The following BGN variants were observed in gnomAD, a reference collection of about 807,000 sequenced individuals.
The protein encoded by BGN is biglycan, also known as bone/cartilage proteoglycan-I.
Under a neutral mutation model 20.0 loss-of-function variants are expected in BGN, and 6 were observed. The ratio of observed to expected loss-of-function variants is 0.30; its 90% CI spans 0.16 to 0.59. The LOEUF is 0.59. Ranked by LOEUF, BGN falls within the 20% of genes least tolerant of loss-of-function variation. The pLI is 0.88. For missense variants in BGN, 292 were observed against 312.1 expected, an observed-to-expected ratio of 0.94 and a Z score of 0.49; for synonymous variants, 146 against 134.6, an observed-to-expected ratio of 1.08 and a Z score of -0.59.
rs2089792091 is a variant in BGN at position 153,505,357 on chromosome X, A to C, written c.351+7A>C. 1.7e-6 allele frequency: 2 copies of C among 1,189,655 alleles called. No homozygotes were observed. Among genetic ancestry groups the C allele is most frequent in the Non-Finnish European group, 2.3e-6 (2 of 876,743 alleles). On this transcript the variant is annotated splice_region_variant and intron_variant, in intron 3 of 7. Transcript: ENST00000331595. Reference sequence around the variant, plus strand: ...GGGTCTCCAGCACCTCTACGTAAGGAGCTGGGAGGAACCAGCAGGCCTACA... The same window carrying C: ...GGGTCTCCAGCACCTCTACGTAAGGCGCTGGGAGGAACCAGCAGGCCTACA...
intron 7 of BGN, 88 bp downstream of exon 7, chrX:153,507,273 C>A: frequency 7.5e-6 from 8 of 1,071,623 alleles, no homozygotes; most frequent in Non-Finnish European, 9.9e-6. Flanking sequence ...GTCCCCTGGC[C>A]CTCCTTCCCG....
At chrX:153,501,719 C>T (rs901840928) in intron 1 of BGN, among the ~76,000 whole-genome samples, 3 of 112,140 alleles carry the variant, frequency 2.7e-5, no homozygotes, top group Non-Finnish European at 5.7e-5. Flanking sequence ...GCCCGGCCCC[C>T]GCCCCTCCAG....
Position 153,505,982 on chromosome X carries a change from A to G in BGN, c.471A>G (p.Leu157=), listed in dbSNP as rs1556993030. The part of the protein sequence containing the change: ...KNHLVEIPPN[L]PSSLVELRIH... ...ACCTGGTGGAGATCCCGCCCAACCT[A>G]CCCAGCTCCCTGGTGGAGCTCCGCA... The change falls in exon 4 of 8, where the codon CTA becomes CTG. Residue 157 remains leucine, a synonymous_variant. Transcript: ENST00000331595. 4.1e-6 allele frequency: 5 copies of G among 1,209,499 alleles called. No homozygotes were observed. The highest frequency in any genetic ancestry group is 5.6e-6 in the Non-Finnish European group (5 of 894,980).
chrX:153,497,443 G>A (rs2089727007), intron 1 of BGN, among the ~76,000 whole-genome samples: 1 of 110,943 alleles, frequency 9.0e-6, no homozygotes. Flanking sequence ...CCGGGCCTGG[G>A]GCGATCAGTG....
At chrX:153,505,724 C>A in intron 3 of BGN, 139 bp from the exon 4 acceptor site, 1 of 535,845 alleles carries the variant, frequency 1.9e-6, no homozygotes, top group Admixed American at 3.2e-5. Flanking sequence ...GGTGCTGCCT[C>A]CTGCCCTGCA....
At chrX:153,504,154 C>T (rs7055188) in intron 1 of BGN, among the ~76,000 whole-genome samples, 29,092 of 111,193 alleles carry the variant, frequency 0.26, 2,928 homozygotes, top group South Asian at 0.33. Context: ...AAGGAAGGAT[C>T]GGCCCGGGTA....
At chrX:153,507,020 G>C (rs782421001) in intron 6 of BGN, 27 bp from the exon 7 acceptor site, 1 of 1,210,154 alleles carries the variant, frequency 8.3e-7, no homozygotes, top group South Asian at 1.8e-5. Flanking sequence ...TCCAGCCTTT[G>C]AGTCCGTGTC....
At position 153,505,494 on chromosome X, in the gene BGN, C is replaced by A. The variant is rs2089793547; in HGVS notation, c.351+144C>A. The A allele has an allele frequency of 5.7e-6, 3 of 523,352 alleles. No individual in the cohort carries two copies. In the South Asian group the frequency reaches 1.0e-4, roughly 17 times the overall value. 43.1% of individuals were successfully genotyped at this position (523,352 alleles called of 1,213,427 possible). On this transcript the variant is annotated intron_variant, in intron 3 of 7. Transcript: ENST00000331595. ...AGCCTGGAGCCAGCCGTGATGGGAG[C>A]TCCCGGGTTTGCGGCTCACTCATGT...
At position 153,501,525 on chromosome X, in the gene BGN, G is replaced by T. The variant is rs782226416; in HGVS notation, c.-11-3096G>T. 8.9e-5 allele frequency among the ~76,000 whole-genome samples: 10 copies of T among 112,784 alleles called. No homozygotes were observed. In the South Asian group the frequency reaches 3.6e-3, roughly 41 times the overall value. On this transcript the variant is annotated intron_variant, in intron 1 of 7. Transcript: ENST00000331595. ...TTAGCTTTTGTGTCCATAAAATGGG[G>T]ATACTCATCAGGCCAGCTCCAGGGG...
At position 153,506,928 on chromosome X, in the gene BGN, G is replaced by T; in HGVS notation, c.770+5G>T. 8.3e-7 allele frequency: 1 copy of T among 1,210,357 alleles called. No individual in the cohort carries two copies. The highest frequency in any genetic ancestry group is 1.1e-6 in the Non-Finnish European group (1 of 894,048). On this transcript the variant is annotated splice_donor_5th_base_variant and intron_variant, in intron 6 of 7. Coordinates refer to ENST00000331595, the MANE Select transcript of BGN (RefSeq NM_001711.6). ...TCGCTACTCCAAGCTGTACAGGTGAGGCCAGCAGGGCACCGCCCAAGGGTG... is the reference window on the plus strand; with the variant it reads ...TCGCTACTCCAAGCTGTACAGGTGATGCCAGCAGGGCACCGCCCAAGGGTG...
chrX:153,502,715 T>C (rs73633612), intron 1 of BGN, among the ~76,000 whole-genome samples: 4,534 of 112,947 alleles, frequency 0.04, 231 homozygotes, highest in African/African-American at 0.14. Flanking sequence ...GGCTCGGTGC[T>C]GCCCCAGCAG....
At chrX:153,503,556 G>C (rs1556992337) in intron 1 of BGN, among the ~76,000 whole-genome samples, 1 of 112,344 alleles carries the variant, frequency 8.9e-6, no homozygotes, top group Non-Finnish European at 1.9e-5. Flanking sequence ...GGATGAAGTG[G>C]TGAGAGAGGC....
At chrX:153,502,761 C>G (rs2089769685) in intron 1 of BGN, among the ~76,000 whole-genome samples, 1 of 112,907 alleles carries the variant, frequency 8.9e-6, no homozygotes, top group Admixed American at 9.3e-5. Context: ...AGCATGAAGT[C>G]CAGCTCCACA....
intron 1 of BGN, among the ~76,000 whole-genome samples, chrX:153,501,102 T>C (rs1330437977): frequency 8.9e-6 from 1 of 112,047 alleles, no homozygotes; most frequent in Non-Finnish European, 1.9e-5. Context: ...TGTGTGCATG[T>C]GTGTGTGCAC....
intron 1 of BGN, chrX:153,495,524 T>A (rs1462917362): frequency 8.9e-6 from 1 of 111,809 alleles, no homozygotes; most frequent in East Asian, 2.8e-4. Flanking sequence ...CATGCTCCAC[T>A]CCCTCAGCCT....
intron 7 of BGN, 107 bp downstream of exon 7, chrX:153,507,292 T>G: frequency 2.0e-6 from 2 of 1,012,547 alleles, no homozygotes; most frequent in Non-Finnish European, 2.6e-6. Flanking sequence ...CGACCGGCTC[T>G]GGGCATCTGC....
intron 5 of BGN, 65 bp from the exon 6 acceptor site, chrX:153,506,765 G>A: frequency 8.6e-7 from 1 of 1,161,695 alleles, no homozygotes; most frequent in Non-Finnish European, 1.2e-6. Flanking sequence ...CCCGCCACCT[G>A]GGGCAGAGCT....
chrX:153,507,515 G>C (rs1197164804), intron 7 of BGN, among the ~76,000 whole-genome samples: 1 of 112,918 alleles, frequency 8.9e-6, no homozygotes, highest in Non-Finnish European at 1.9e-5. Context: ...GCCCAGGGCA[G>C]GAAGTAGGCT....
At chrX:153,498,741 C>T (rs1381390258) in intron 1 of BGN, among the ~76,000 whole-genome samples, 1 of 112,238 alleles carries the variant, frequency 8.9e-6, no homozygotes, top group African/African-American at 3.2e-5. Context: ...GAAGTGCTCG[C>T]CTGGGGAGAC....
Sources: gnomAD v4.1 joint callset for allele counts (sites outside exome capture counted in the v4.1 genomes callset) on GRCh38, gnomAD v4.1.1 for gene constraint, MANE v1.5 for transcripts, NCBI Gene and HGNC (gene_info 2026-07-23, HGNC 2026-07-21) for gene names.